EGFR: variants seen among roughly 807,000 people sequenced by gnomAD.
EGFR encodes the protein epidermal growth factor receptor, also known as avian erythroblastic leukemia viral (v-erb-b) oncogene homolog.
Under a neutral mutation model 143.0 loss-of-function variants are expected in EGFR, and 58 were observed. The observed-to-expected ratio is 0.41, with a 90% confidence interval of 0.33 to 0.50. The LOEUF is 0.50. Among genes scored for constraint, EGFR ranks in the 20% least tolerant of loss-of-function variants. EGFR has a pLI of 0.39. For synonymous variants in EGFR, 613 were observed against 594.4 expected (o/e 1.03, Z -0.45); for missense variants, 1,307 against 1,579.0 (o/e 0.83, Z 2.92).
chr7:55,084,458 T>C (rs1790643290), intron 1 of EGFR, among the ~76,000 whole-genome samples: 1 of 152,242 alleles, frequency 6.6e-6, no homozygotes. Flanking sequence ...AACTTCATTT[T>C]GTATTAAATC....
chr7:55,054,504 TGGCGCGCCCGCGG>T (rs1788673007), intron 1 of EGFR, among the ~76,000 whole-genome samples: 1 of 152,234 alleles, frequency 6.6e-6, no homozygotes, highest in Non-Finnish European at 1.5e-5. Flanking sequence ...CACTTTTTCC[TGGCGCGCCCGCGG>T]GGCCTGGAGC....
At chr7:55,168,290 A>G (rs775026182) in intron 15 of EGFR, among the ~76,000 whole-genome samples, 1 of 152,232 alleles carries the variant, frequency 6.6e-6, no homozygotes, top group African/African-American at 2.4e-5. Context: ...TTCTTCTGGA[A>G]TAGATGTGCA....
chr7:55,052,477 GATCA>G (rs1788544883), intron 1 of EGFR, among the ~76,000 whole-genome samples: 2 of 152,204 alleles, frequency 1.3e-5, no homozygotes, highest in East Asian at 3.9e-4. Context: ...GTAATCAATC[GATCA>G]ATCAATCAAC....
intron 19 of EGFR, 167 bp from the exon 20 acceptor site, chr7:55,181,126 C>T (rs746267252): frequency 5.7e-5 from 48 of 840,810 alleles, no homozygotes; most frequent in Non-Finnish European, 5.6e-5. Context: ...CACAGCCCTG[C>T]GTAAACGTCC....
intron 23 of EGFR, among the ~76,000 whole-genome samples, chr7:55,199,990 A>G (rs1247724634): frequency 2.6e-5 from 4 of 152,264 alleles, no homozygotes; most frequent in African/African-American, 9.6e-5. Flanking sequence ...CCCTGCAGTC[A>G]GGATAGTTCA....
chr7:55,146,823 T>A (rs2128929828), intron 4 of EGFR, 83 bp downstream of exon 4: 2 of 1,580,870 alleles, frequency 1.3e-6, no homozygotes, highest in Non-Finnish European at 1.7e-6. Flanking sequence ...AGAGAAGCCA[T>A]GTTTAGTAAG....
intron 1 of EGFR, among the ~76,000 whole-genome samples, chr7:55,021,438 A>G (rs1029275257): frequency 6.6e-6 from 1 of 152,220 alleles, no homozygotes; most frequent in Admixed American, 6.5e-5. Flanking sequence ...GAACACCACT[A>G]TTAGTAGTTG....
intron 1 of EGFR, among the ~76,000 whole-genome samples, chr7:55,036,321 T>C (rs1227989181): frequency 6.7e-6 from 1 of 149,760 alleles, no homozygotes; most frequent in Admixed American, 6.7e-5. Context: ...CATCCTATAT[T>C]TATTGTCCTG....
rs1204994471 is a variant in EGFR at position 55,070,029 on chromosome 7, G to T, written c.88+50664G>T. The stretch of plus-strand genomic sequence containing the variant: ...GTATCTTTAAATTTAGTAAAAAGTT[G>T]CATTGTTTTTTGAACATCACACTTG... On this transcript the variant is annotated intron_variant, in intron 1 of 27. Transcript: ENST00000275493. Among the ~76,000 whole-genome samples, 7 of 152,288 alleles carry T rather than the reference G, an allele frequency of 4.6e-5. No individual in the cohort carries two copies. In the East Asian group the frequency reaches 1.3e-3, roughly 29 times the overall value.
chr7:55,157,125 G>C (rs996641425), intron 10 of EGFR, among the ~76,000 whole-genome samples: 20 of 152,218 alleles, frequency 1.3e-4, no homozygotes, highest in Admixed American at 2.6e-4. Context: ...GGAGGGGACA[G>C]GGGTAGGTGA....
chr7:55,172,993 C>G lies in EGFR; in HGVS notation c.1930C>G (p.Pro644Ala), dbSNP rs2128952400. The change falls in exon 17 of 28, where the codon CCG becomes GCG. Residue 644 changes from proline (P) to alanine (A), a missense_variant. By Grantham distance (27) the Pro-to-Ala change is conservative. Coordinates refer to ENST00000275493, the MANE Select transcript of EGFR (RefSeq NM_005228.5). ...EGCPTNGPKI[P>A]SIATGMVGAL... ...TCCACCTCATTCCAGGCCTAAGATC[C>G]CGTCCATCGCCACTGGGATGGTGGG... 6.2e-7 allele frequency: 1 copy of G among 1,614,174 alleles called. No individual in the cohort carries two copies. The highest frequency in any genetic ancestry group is 8.5e-7 in the Non-Finnish European group (1 of 1,180,036).
At chr7:55,186,946 G>A (rs933890905) in intron 20 of EGFR, among the ~76,000 whole-genome samples, 1 of 152,208 alleles carries the variant, frequency 6.6e-6, no homozygotes, top group Admixed American at 6.5e-5. Context: ...CAAGCCAGAT[G>A]GCCCCTCACC....
At chr7:55,120,766 A>G (rs1267015220) in intron 1 of EGFR, among the ~76,000 whole-genome samples, 1 of 152,194 alleles carries the variant, frequency 6.6e-6, no homozygotes, top group Non-Finnish European at 1.5e-5. Flanking sequence ...GAGGGCATTC[A>G]TCGGGCTGCA....
chr7:55,051,321 G>C (rs1434306733), intron 1 of EGFR, among the ~76,000 whole-genome samples: 1 of 152,156 alleles, frequency 6.6e-6, no homozygotes, highest in African/African-American at 2.4e-5. Context: ...AAATGCAATA[G>C]TGTTAGGAGG....
intron 1 of EGFR, among the ~76,000 whole-genome samples, chr7:55,093,557 G>A (rs1193234137): frequency 9.9e-5 from 15 of 152,160 alleles, no homozygotes; most frequent in African/African-American, 2.9e-4. Context: ...ACCGTGATGC[G>A]CCTCAGCCCT....
At chr7:55,137,881 C>G (rs1306416881) in intron 1 of EGFR, among the ~76,000 whole-genome samples, 1 of 152,174 alleles carries the variant, frequency 6.6e-6, no homozygotes, top group Non-Finnish European at 1.5e-5. Flanking sequence ...TCGATCATGA[C>G]AGGAATTCAG....
chr7:55,133,449 C>T lies in EGFR; in HGVS notation c.89-8837C>T, dbSNP rs574000105. ...AAGTCAGAGGGGAAGGGAGGTAGCA[C>T]AGGGCAGTCTTGACTTTGAACAAAG... is the stretch of plus-strand genomic sequence containing the variant. On this transcript the variant is annotated intron_variant, in intron 1 of 27. Transcript: ENST00000275493. 2.0e-5 allele frequency among the ~76,000 whole-genome samples: 3 copies of T among 152,318 alleles called. No homozygotes were observed. In the South Asian group the frequency reaches 6.2e-4, roughly 32 times the overall value.
chr7:55,137,817 G>C (rs1420909734), intron 1 of EGFR, among the ~76,000 whole-genome samples: 1 of 152,186 alleles, frequency 6.6e-6, no homozygotes, highest in Non-Finnish European at 1.5e-5. Flanking sequence ...GTTGCCTCTG[G>C]TGTATGGGGG....
At chr7:55,176,191 C>G (rs1239611895) in intron 19 of EGFR, among the ~76,000 whole-genome samples, 1 of 152,128 alleles carries the variant, frequency 6.6e-6, no homozygotes, top group Non-Finnish European at 1.5e-5. Context: ...TCAACACATT[C>G]TAATAAATTA....
Sources: allele counts gnomAD v4.1 joint callset (sites outside exome capture counted in the v4.1 genomes callset), GRCh38; gene constraint gnomAD v4.1.1; transcripts MANE v1.5; gene names NCBI Gene and HGNC (gene_info 2026-07-23, HGNC 2026-07-21).